The following BRINP3 variants were observed in gnomAD, a reference collection of about 807,000 sequenced individuals.
BRINP3 encodes the protein BMP/retinoic acid inducible neural specific 3.
A neutral mutation model predicts 71.0 loss-of-function variants in BRINP3; 19 were observed. The ratio of observed to expected loss-of-function variants is 0.27; its 90% CI spans 0.19 to 0.39. The LOEUF is 0.39. Ranked by LOEUF, BRINP3 falls within the 10% of genes least tolerant of loss-of-function variation. The pLI is 1.00. For synonymous variants in BRINP3, 380 were observed against 337.7 expected (o/e 1.13, Z -1.37); for missense variants, 959 against 940.8 (o/e 1.02, Z -0.25).
chr1:190,175,237 T>G (rs1257470945), intron 6 of BRINP3, among the ~76,000 whole-genome samples: 1 of 152,134 alleles, frequency 6.6e-6, no homozygotes, highest in East Asian at 1.9e-4. Flanking sequence ...CGAGTGAAAT[T>G]GTTATCAGAG....
At chr1:190,119,146 T>C (rs1396388451) in intron 7 of BRINP3, among the ~76,000 whole-genome samples, 2 of 152,156 alleles carry the variant, frequency 1.3e-5, no homozygotes, top group Non-Finnish European at 2.9e-5. Flanking sequence ...ACTTTTATTA[T>C]CAGAATTAAT....
At chr1:190,327,728 T>C (rs1666708247) in intron 2 of BRINP3, among the ~76,000 whole-genome samples, 1 of 152,112 alleles carries the variant, frequency 6.6e-6, no homozygotes, top group South Asian at 2.1e-4. Context: ...CTGACAGCAT[T>C]AGACAGATCA....
chr1:190,129,534 G>A (rs191257649), intron 7 of BRINP3, among the ~76,000 whole-genome samples: 2 of 152,068 alleles, frequency 1.3e-5, no homozygotes, highest in Admixed American at 6.6e-5. Context: ...AACAGGTGCA[G>A]TTTCTGAACA....
chr1:190,352,127 G>GA (rs1048262066), intron 2 of BRINP3, among the ~76,000 whole-genome samples: 8 of 151,664 alleles, frequency 5.3e-5, no homozygotes, highest in South Asian at 4.2e-4. Flanking sequence ...TTTAAAAAAG[G>GA]AAAAAAAATT....
At chr1:190,183,854 C>T (rs1653264374) in intron 6 of BRINP3, among the ~76,000 whole-genome samples, 1 of 152,038 alleles carries the variant, frequency 6.6e-6, no homozygotes, top group Non-Finnish European at 1.5e-5. Flanking sequence ...ACCCAGACTC[C>T]CTACTTGACC....
chr1:190,370,017 C>A (rs1446362743), intron 2 of BRINP3, among the ~76,000 whole-genome samples: 1 of 152,074 alleles, frequency 6.6e-6, no homozygotes, highest in Non-Finnish European at 1.5e-5. Flanking sequence ...GTATCATACT[C>A]CTCAGCCTGC....
chr1:190,477,145 G>A (rs1571419356), intron 1 of BRINP3, among the ~76,000 whole-genome samples: 1 of 151,918 alleles, frequency 6.6e-6, no homozygotes, highest in African/African-American at 2.4e-5. Context: ...TGCCAAGAAG[G>A]GTTAATGGGG....
In BRINP3 at chr1:190,399,230, G is replaced by C. The variant is rs1459504303; in HGVS notation, c.236+55425C>G. On this transcript the variant is annotated intron_variant, in intron 2 of 7. Transcript: ENST00000367462. ...TTTAATTAAAAACACACCCTCAAAT[G>C]AAAAACAAATATCCACCTCCCCCAA... 2.0e-5 allele frequency among the ~76,000 whole-genome samples: 3 copies of C among 151,720 alleles called. No individual in the cohort carries two copies. The East Asian group carries it at 5.8e-4, about 29-fold the overall frequency.
rs184110903 is a variant in BRINP3 at position 190,200,253 on chromosome 1, T to C, written c.961+25829A>G. Reference sequence around the variant, plus strand: ...CTACTAGCACCTCTTCCTCAATAAATAGCTAAATTTGTGAATTATGCCAAA... The same window carrying C: ...CTACTAGCACCTCTTCCTCAATAAACAGCTAAATTTGTGAATTATGCCAAA... On this transcript the variant is annotated intron_variant, in intron 6 of 7. Coordinates refer to ENST00000367462, the MANE Select transcript of BRINP3 (RefSeq NM_199051.3). Among the ~76,000 whole-genome samples, 6 of 151,844 alleles carry C rather than the reference T, an allele frequency of 4.0e-5. No homozygotes were observed. The East Asian group carries it at 1.2e-3, about 29-fold the overall frequency.
At chr1:190,430,480 C>G (rs1674021344) in intron 2 of BRINP3, among the ~76,000 whole-genome samples, 1 of 152,062 alleles carries the variant, frequency 6.6e-6, no homozygotes, top group Non-Finnish European at 1.5e-5. Context: ...TTTCTTTGCA[C>G]TGAGGTAAGA....
intron 2 of BRINP3, among the ~76,000 whole-genome samples, chr1:190,447,316 G>A (rs1265663370): frequency 7.3e-5 from 10 of 137,150 alleles, no homozygotes; most frequent in African/African-American, 2.6e-4. Context: ...TATATATATA[G>A]TATAATTTTT....
intron 2 of BRINP3, among the ~76,000 whole-genome samples, chr1:190,376,976 T>A (rs1160080811): frequency 2.0e-5 from 3 of 152,018 alleles, no homozygotes; most frequent in Admixed American, 6.6e-5. Context: ...ATCTCTATCC[T>A]CCAATTTGAT....
intron 7 of BRINP3, among the ~76,000 whole-genome samples, chr1:190,114,119 A>G (rs1219677759): frequency 6.6e-6 from 1 of 152,004 alleles, no homozygotes; most frequent in Non-Finnish European, 1.5e-5. Flanking sequence ...TCATGAATGG[A>G]GTGAGTTGTC....
intron 2 of BRINP3, among the ~76,000 whole-genome samples, chr1:190,366,668 C>G (rs1669525188): frequency 6.6e-6 from 1 of 152,094 alleles, no homozygotes. Context: ...ACTATAAAAT[C>G]AAAAGCAAAT....
chr1:190,165,460 T>TTTTGTGTG (rs1257574059), intron 6 of BRINP3, among the ~76,000 whole-genome samples: 1 of 95,238 alleles, frequency 1.0e-5, no homozygotes. Context: ...TTTTTTTTTT[T>TTTTGTGTG]TGTGTGTGTG....
At chr1:190,272,401 G>C (rs1662186275) in intron 3 of BRINP3, among the ~76,000 whole-genome samples, 1 of 151,232 alleles carries the variant, frequency 6.6e-6, no homozygotes, top group Non-Finnish European at 1.5e-5. Flanking sequence ...TTGACTGTGG[G>C]GCTTTGGTAA....
At chr1:190,119,704 T>G (rs1452289408) in intron 7 of BRINP3, among the ~76,000 whole-genome samples, 5 of 152,240 alleles carry the variant, frequency 3.3e-5, no homozygotes, top group African/African-American at 1.2e-4. Flanking sequence ...AGAAAAATCA[T>G]GAGGAACAGG....
chr1:190,312,881 C>A (rs2103029606), intron 2 of BRINP3, among the ~76,000 whole-genome samples: 2 of 151,804 alleles, frequency 1.3e-5, no homozygotes, highest in Non-Finnish European at 3.0e-5. Flanking sequence ...GTTATAATAA[C>A]CTGTTCTGGG....
chr1:190,399,484 T>C lies in BRINP3; in HGVS notation c.236+55171A>G, dbSNP rs1456567888. On this transcript the variant is annotated intron_variant, in intron 2 of 7. Transcript: ENST00000367462. ...GAAACTGAAGTATATTTTTATAATGTACATAAATAGCTCTCATTTAGAATT... is the reference window on the plus strand; with the variant it reads ...GAAACTGAAGTATATTTTTATAATGCACATAAATAGCTCTCATTTAGAATT... Among the ~76,000 whole-genome samples, 3 of 151,992 alleles carry C rather than the reference T, an allele frequency of 2.0e-5. No homozygotes were observed. The South Asian group carries it at 6.2e-4, about 31-fold the overall frequency.
Sources: allele counts gnomAD v4.1 joint callset (sites outside exome capture counted in the v4.1 genomes callset), GRCh38; gene constraint gnomAD v4.1.1; transcripts MANE v1.5; gene names NCBI Gene and HGNC (gene_info 2026-07-23, HGNC 2026-07-21).